DPP10: variants seen among roughly 807,000 people sequenced by gnomAD.
The protein encoded by DPP10 is dipeptidyl peptidase like 10.
A neutral mutation model predicts 120.9 loss-of-function variants in DPP10; 33 were observed. The observed-to-expected ratio is 0.27, with a 90% CI of 0.21 to 0.37. DPP10 has a LOEUF of 0.37. Ranked by LOEUF, DPP10 falls within the 10% of genes least tolerant of loss-of-function variation. DPP10 has a pLI of 1.00. For synonymous variants in DPP10, 337 were observed against 326.1 expected (o/e 1.03, Z -0.36); for missense variants, 816 against 942.8 (o/e 0.87, Z 1.76).
At chr2:115,446,146 G>A (rs1391055592) in intron 3 of DPP10, among the ~76,000 whole-genome samples, 1 of 152,238 alleles carries the variant, frequency 6.6e-6, no homozygotes, top group Non-Finnish European at 1.5e-5. Context: ...CCAAGCCTTG[G>A]TGGCTTCCAT....
intron 1 of DPP10, among the ~76,000 whole-genome samples, chr2:115,287,690 T>C (rs1331471532): frequency 6.6e-6 from 1 of 152,074 alleles, no homozygotes; most frequent in African/African-American, 2.4e-5. Flanking sequence ...AGTACCCAAA[T>C]CAGTAGCATT....
intron 5 of DPP10, among the ~76,000 whole-genome samples, chr2:115,625,813 T>A (rs563498986): frequency 6.6e-6 from 1 of 152,132 alleles, no homozygotes; most frequent in South Asian, 2.1e-4. Context: ...AGTAGAATAG[T>A]ATTTGGCCAT....
At chr2:115,621,820 G>A (rs902167508) in intron 5 of DPP10, among the ~76,000 whole-genome samples, 1 of 152,082 alleles carries the variant, frequency 6.6e-6, no homozygotes, top group Admixed American at 6.5e-5. Context: ...TGGGATTACA[G>A]GTGCCTGCCA....
In DPP10 at chr2:115,004,697, G is replaced by C. The variant is rs548003578; in HGVS notation, c.61-304542G>C. 2.0e-5 allele frequency among the ~76,000 whole-genome samples: 3 copies of C among 152,124 alleles called. 1 individual carries two copies. Among genetic ancestry groups the C allele is most frequent in the Admixed American group, 2.0e-4 (3 of 15,282 alleles). ...ACGGCGCACCATGAGATTATATCCCGCACCTGGCTCGGAGGGTCCTACCCC... is the reference window on the plus strand; with the variant it reads ...ACGGCGCACCATGAGATTATATCCCCCACCTGGCTCGGAGGGTCCTACCCC... On this transcript the variant is annotated intron_variant, in intron 1 of 25. Transcript: ENST00000410059.
At position 115,795,784 on chromosome 2, in the gene DPP10, T is replaced by C. The variant is rs1575800024; in HGVS notation, c.1700+4428T>C. On this transcript the variant is annotated intron_variant, in intron 19 of 25. Transcript: ENST00000410059. ...CACACATTTCATTTCCTCAAACAAC[T>C]TGAAATATTGTTTAATATTTTAATT... Among the ~76,000 whole-genome samples, 3 of 152,132 alleles carry C rather than the reference T, an allele frequency of 2.0e-5. No homozygotes were observed. In the East Asian group the frequency reaches 5.8e-4, roughly 29 times the overall value.
At chr2:115,334,181 A>G (rs985557624) in intron 2 of DPP10, among the ~76,000 whole-genome samples, 1 of 145,452 alleles carries the variant, frequency 6.9e-6, no homozygotes, top group South Asian at 2.2e-4. Context: ...CAACTCCAAA[A>G]GTAATTCTAA....
chr2:115,482,624 G>A (rs2075509334), intron 3 of DPP10, among the ~76,000 whole-genome samples: 2 of 151,898 alleles, frequency 1.3e-5, no homozygotes, highest in Admixed American at 1.3e-4. Flanking sequence ...ATTGAATTAT[G>A]CCATATGCAG....
chr2:115,314,304 C>T (rs541407705), intron 2 of DPP10, among the ~76,000 whole-genome samples: 8 of 152,190 alleles, frequency 5.3e-5, no homozygotes, highest in African/African-American at 9.7e-5. Flanking sequence ...TGTCTGTAAT[C>T]GGTCAATGCC....
chr2:115,660,825 AG>A (rs2088899669), intron 5 of DPP10, among the ~76,000 whole-genome samples: 2 of 152,062 alleles, frequency 1.3e-5, no homozygotes, highest in Non-Finnish European at 2.9e-5. Context: ...TGCCACATTT[AG>A]AGACCAAATT....
Position 114,513,124 on chromosome 2 carries a change from T to G in DPP10, c.60+70286T>G, listed in dbSNP as rs75770823. Among the ~76,000 whole-genome samples, 248 of 152,244 alleles carry G rather than the reference T, an allele frequency of 1.6e-3. 8 individuals carry two copies. The East Asian group carries it at 0.044, about 27-fold the overall frequency. On this transcript the variant is annotated intron_variant, in intron 1 of 25. Transcript: ENST00000410059. Reference sequence around the variant, plus strand: ...TTTTTTTCACAGTGGGATTATTATTTCCCATTATCACATGAAACAATCTTC... The same window carrying G: ...TTTTTTTCACAGTGGGATTATTATTGCCCATTATCACATGAAACAATCTTC...
At chr2:115,429,228 T>C (rs2070754757) in intron 3 of DPP10, among the ~76,000 whole-genome samples, 1 of 30,522 alleles carries the variant, frequency 3.3e-5, no homozygotes, top group Non-Finnish European at 8.0e-5. Flanking sequence ...TTTTAAAATA[T>C]ATTAAAAAAA....
At chr2:115,456,133 T>A (rs1000225023) in intron 3 of DPP10, among the ~76,000 whole-genome samples, 7 of 151,918 alleles carry the variant, frequency 4.6e-5, no homozygotes, top group African/African-American at 1.7e-4. Context: ...AACAACCCCA[T>A]CAAAAAGTGG....
chr2:115,791,227 T>C, intron 18 of DPP10, 48 bp downstream of exon 18: 1 of 1,606,158 alleles, frequency 6.2e-7, no homozygotes, highest in Middle Eastern at 1.7e-4. Context: ...TTTCTCTGCG[T>C]CTTATAGTTT....
intron 1 of DPP10, among the ~76,000 whole-genome samples, chr2:114,803,584 G>A (rs1340725932): frequency 6.6e-6 from 1 of 152,200 alleles, no homozygotes; most frequent in Non-Finnish European, 1.5e-5. Flanking sequence ...AATTTGCTGG[G>A]AACTGGAGCA....
chr2:115,330,530 A>G (rs2062658685), intron 2 of DPP10, among the ~76,000 whole-genome samples: 1 of 151,890 alleles, frequency 6.6e-6, no homozygotes, highest in South Asian at 2.1e-4. Context: ...ACTGAATGGT[A>G]TTGCCTAGGT....
chr2:114,739,018 C>T (rs1290059615), intron 1 of DPP10, among the ~76,000 whole-genome samples: 1 of 152,192 alleles, frequency 6.6e-6, no homozygotes, highest in Non-Finnish European at 1.5e-5. Flanking sequence ...CCCTTCAACT[C>T]ATCCCCTATT....
At chr2:115,714,856 T>C (rs947185031) in intron 7 of DPP10, among the ~76,000 whole-genome samples, 3 of 151,956 alleles carry the variant, frequency 2.0e-5, no homozygotes, top group Non-Finnish European at 4.4e-5. Context: ...GGTGAAACCC[T>C]GTCTCTACTA....
At chr2:114,770,638 A>G (rs1681164950) in intron 1 of DPP10, among the ~76,000 whole-genome samples, 1 of 152,236 alleles carries the variant, frequency 6.6e-6, no homozygotes, top group Admixed American at 6.5e-5. Flanking sequence ...TGATACTTGC[A>G]CATTTGTATA....
chr2:114,917,673 C>T (rs183780397), intron 1 of DPP10, among the ~76,000 whole-genome samples: 6 of 152,222 alleles, frequency 3.9e-5, no homozygotes, highest in African/African-American at 1.4e-4. Context: ...ACCATCAGAT[C>T]TTTCACAAAG....
Sources: allele counts gnomAD v4.1 joint callset (sites outside exome capture counted in the v4.1 genomes callset), GRCh38; gene constraint gnomAD v4.1.1; transcripts MANE v1.5; gene names NCBI Gene and HGNC (gene_info 2026-07-23, HGNC 2026-07-21).